VEPH1: variants seen among roughly 807,000 people sequenced by gnomAD.
VEPH1 encodes the protein ventricular zone expressed PH domain containing 1, also known as ventricular zone-expressed PH domain-containing protein homolog 1.
VEPH1 carries 80 observed loss-of-function variants against 85.2 expected under a neutral mutation model. The observed-to-expected ratio is 0.94, with a 90% CI of 0.78 to 1.13. The LOEUF is 1.13. Ranked by LOEUF, VEPH1 falls within the 50% of genes most tolerant of loss-of-function variation. The pLI, the probability that VEPH1 is intolerant of heterozygous loss-of-function variation, is 0.00. For synonymous variants in VEPH1, 297 were observed against 348.0 expected (o/e 0.85, Z 1.63); for missense variants, 955 against 980.5 (o/e 0.97, Z 0.35).
At chr3:157,272,661 G>T (rs1366398888) in intron 12 of VEPH1, among the ~76,000 whole-genome samples, 1 of 151,620 alleles carries the variant, frequency 6.6e-6, no homozygotes, top group African/African-American at 2.4e-5. Flanking sequence ...AATGGGGTTA[G>T]GCCATGTCGC....
intron 7 of VEPH1, among the ~76,000 whole-genome samples, chr3:157,370,236 C>G (rs1030696931): frequency 6.6e-6 from 1 of 152,110 alleles, no homozygotes; most frequent in Non-Finnish European, 1.5e-5. Context: ...TTGGGCTGCT[C>G]GCTGCTCTCA....
At chr3:157,495,130 A>G in intron 2 of VEPH1, 82 bp downstream of exon 2, 1 of 1,396,990 alleles carries the variant, frequency 7.2e-7, no homozygotes, top group Non-Finnish European at 9.9e-7. Flanking sequence ...CCCTGCAAAG[A>G]TCTTTCTGCC....
intron 5 of VEPH1, among the ~76,000 whole-genome samples, chr3:157,416,273 A>G (rs1299853971): frequency 3.3e-5 from 5 of 152,226 alleles, no homozygotes; most frequent in Non-Finnish European, 2.9e-5. Flanking sequence ...AAAACAACTA[A>G]CAAGAACATA....
chr3:157,280,668 T>C (rs1223815179), intron 12 of VEPH1, among the ~76,000 whole-genome samples: 1 of 152,240 alleles, frequency 6.6e-6, no homozygotes. Context: ...TATACAGCAA[T>C]GTTTTCTTCT....
Position 157,281,156 on chromosome 3 carries a change from TG to T in VEPH1, c.2128+5400del, listed in dbSNP as rs1559920914. Among the ~76,000 whole-genome samples, 46 of 148,654 alleles carry T rather than the reference TG, an allele frequency of 3.1e-4. No homozygotes were observed. In the South Asian group the frequency reaches 6.0e-3, roughly 19 times the overall value. Reference sequence around the variant, plus strand: ...AGAGAGAGAAAGAGGGAGAGAGAAATGAGAGTGTGTGGAGAGGTTTAAGAGG... The same window carrying T: ...AGAGAGAGAAAGAGGGAGAGAGAAATAGAGTGTGTGGAGAGGTTTAAGAGG... On this transcript the variant is annotated intron_variant, in intron 12 of 13. Transcript: ENST00000362010.
At chr3:157,326,765 T>C (rs773115484) in intron 9 of VEPH1, among the ~76,000 whole-genome samples, 3 of 152,204 alleles carry the variant, frequency 2.0e-5, no homozygotes, top group Non-Finnish European at 2.9e-5. Flanking sequence ...GTATATTAGA[T>C]ACATTATGGT....
At chr3:157,370,144 G>A (rs968179324) in intron 7 of VEPH1, among the ~76,000 whole-genome samples, 1 of 152,164 alleles carries the variant, frequency 6.6e-6, no homozygotes, top group African/African-American at 2.4e-5. Flanking sequence ...GTTTTTAAAA[G>A]TACATCTAGG....
intron 12 of VEPH1, among the ~76,000 whole-genome samples, chr3:157,281,955 C>T (rs1716186281): frequency 1.3e-5 from 2 of 152,112 alleles, no homozygotes; most frequent in Non-Finnish European, 2.9e-5. Context: ...GCTAGGTCCT[C>T]TCAGAGGTCA....
chr3:157,452,881 C>T (rs1158013747), intron 4 of VEPH1, among the ~76,000 whole-genome samples: 20 of 152,168 alleles, frequency 1.3e-4, no homozygotes, highest in Admixed American at 1.3e-3. Context: ...TTGTTGGCAA[C>T]AGTCCTGGGT....
chr3:157,299,251 A>G lies in VEPH1; in HGVS notation c.2011-12577T>C, dbSNP rs114036980. ...AAATGTTGGGCTATTTGTGAAAATA[A>G]AAATCATTCTCAAAAAATGAAACAT... On this transcript the variant is annotated intron_variant, in intron 11 of 13. Transcript: ENST00000362010. Among the ~76,000 whole-genome samples, 1,218 of 152,236 alleles carry G rather than the reference A, an allele frequency of 8.0e-3. 27 individuals are homozygous for G. The highest frequency in any genetic ancestry group is 0.027 in the African/African-American group (1,127 of 41,542).
intron 4 of VEPH1, among the ~76,000 whole-genome samples, chr3:157,452,488 T>C (rs1388677703): frequency 6.6e-6 from 1 of 152,204 alleles, no homozygotes; most frequent in East Asian, 1.9e-4. Flanking sequence ...TGTCTAGTAC[T>C]CAATTTTGTC....
intron 4 of VEPH1, among the ~76,000 whole-genome samples, chr3:157,444,026 C>T (rs1017318705): frequency 4.6e-5 from 7 of 151,348 alleles, no homozygotes; most frequent in African/African-American, 1.2e-4. Context: ...AAAAGAACTC[C>T]TGCCCTGAAA....
intron 6 of VEPH1, among the ~76,000 whole-genome samples, chr3:157,389,785 G>A (rs778109631): frequency 1.3e-5 from 2 of 152,042 alleles, no homozygotes; most frequent in Non-Finnish European, 2.9e-5. Flanking sequence ...AAGCATTAGG[G>A]GATGAATTTC....
chr3:157,286,665 G>C lies in VEPH1; in HGVS notation c.2020C>G (p.Gln674Glu), dbSNP rs1480123199. The change falls in exon 12 of 14, where the codon CAG becomes GAG. Residue 674 changes from glutamine (Q) to glutamate (E), a missense_variant. Physicochemically the swap from Gln to Glu is conservative, Grantham distance 29. Coordinates refer to ENST00000362010, the MANE Select transcript of VEPH1 (RefSeq NM_001167912.2). ...STFPQQKDLD[Q>E]VQLHLEEVRF... Reference sequence around the variant, plus strand: ...ACTTCTTCCAGATGGAGCTGTACCTGGTCCAGATCCTGTGTCAGGAACACA... The same window carrying C: ...ACTTCTTCCAGATGGAGCTGTACCTCGTCCAGATCCTGTGTCAGGAACACA... The C allele has an allele frequency of 1.2e-6, 2 of 1,613,854 alleles. No individual in the cohort carries two copies. Among genetic ancestry groups the C allele is most frequent in the Non-Finnish European group, 1.7e-6 (2 of 1,179,814 alleles).
At chr3:157,436,703 T>A (rs978586955) in intron 4 of VEPH1, 1 of 453,796 alleles carries the variant, frequency 2.2e-6, no homozygotes, top group Non-Finnish European at 4.0e-6. Flanking sequence ...ATTGTGCAAC[T>A]TCCACATTTC....
intron 9 of VEPH1, among the ~76,000 whole-genome samples, chr3:157,335,010 A>C (rs1469931672): frequency 2.0e-5 from 3 of 152,182 alleles, no homozygotes; most frequent in Non-Finnish European, 4.4e-5. Flanking sequence ...TGCTAACTAC[A>C]CTACAGACTT....
At chr3:157,447,767 G>C (rs542294739) in intron 4 of VEPH1, among the ~76,000 whole-genome samples, 37 of 151,892 alleles carry the variant, frequency 2.4e-4, no homozygotes, top group African/African-American at 8.7e-4. Context: ...GCTAATTTTT[G>C]TATTTTTAGT....
At chr3:157,452,419 C>T (rs954135995) in intron 4 of VEPH1, among the ~76,000 whole-genome samples, 3 of 152,128 alleles carry the variant, frequency 2.0e-5, no homozygotes, top group African/African-American at 7.2e-5. Context: ...AAGAAAAGGG[C>T]CTTAGTCAAA....
intron 4 of VEPH1, among the ~76,000 whole-genome samples, chr3:157,454,146 C>A (rs1157969151): frequency 6.6e-6 from 1 of 151,060 alleles, no homozygotes; most frequent in Non-Finnish European, 1.5e-5. Context: ...GTTTTAAATT[C>A]CTATAAAATT....
Sources: gnomAD v4.1 joint callset for allele counts (sites outside exome capture counted in the v4.1 genomes callset) on GRCh38, gnomAD v4.1.1 for gene constraint, MANE v1.5 for transcripts, NCBI Gene and HGNC (gene_info 2026-07-23, HGNC 2026-07-21) for gene names.